The following MGAT4C variants were observed in gnomAD, a reference collection of about 807,000 sequenced individuals.
MGAT4C encodes MGAT4 family member C.
A neutral mutation model predicts 40.1 loss-of-function variants in MGAT4C; 19 were observed. That is an observed-to-expected ratio of 0.47 (90% CI 0.33 to 0.70). The LOEUF (loss-of-function observed/expected upper bound fraction) is 0.70, where lower values mean the gene tolerates loss of function less well. Ranked by LOEUF, MGAT4C falls within the 30% of genes least tolerant of loss-of-function variation. MGAT4C has a pLI of 0.02. For missense variants in MGAT4C, 491 were observed against 563.2 expected (o/e 0.87, Z 1.30); for synonymous variants, 181 against 187.1 (o/e 0.97, Z 0.27).
At chr12:86,317,507 T>A (rs1387434682) in intron 4 of MGAT4C, among the ~76,000 whole-genome samples, 2 of 152,004 alleles carry the variant, frequency 1.3e-5, no homozygotes, top group African/African-American at 2.4e-5. Flanking sequence ...CAGAAAAAAA[T>A]ATAAAAATAC....
At chr12:86,067,740 T>C (rs147321524) in intron 1 of MGAT4C, among the ~76,000 whole-genome samples, 234 of 152,188 alleles carry the variant, frequency 1.5e-3, no homozygotes, top group African/African-American at 5.1e-3. Flanking sequence ...AATTGCCAAA[T>C]GTTTCTTTAG....
At chr12:86,566,760 G>GTGTGTGTA (rs771093227) in intron 2 of MGAT4C, among the ~76,000 whole-genome samples, 1 of 146,922 alleles carries the variant, frequency 6.8e-6, no homozygotes, top group African/African-American at 2.5e-5. Context: ...GTGTGTGTGT[G>GTGTGTGTA]TATATATATA....
chr12:86,603,220 A>G (rs1961850601), intron 2 of MGAT4C, among the ~76,000 whole-genome samples: 1 of 143,902 alleles, frequency 6.9e-6, no homozygotes, highest in African/African-American at 2.5e-5. Flanking sequence ...TATATAGTAT[A>G]ATATAATATA....
chr12:86,490,656 A>G (rs1421911181), intron 2 of MGAT4C, among the ~76,000 whole-genome samples: 2 of 152,176 alleles, frequency 1.3e-5, no homozygotes, highest in Non-Finnish European at 2.9e-5. Flanking sequence ...AAAACCCATC[A>G]GTGTGCTGTA....
intron 1 of MGAT4C, among the ~76,000 whole-genome samples, chr12:86,764,179 G>A (rs1184119666): frequency 6.6e-6 from 1 of 152,186 alleles, no homozygotes; most frequent in Non-Finnish European, 1.5e-5. Flanking sequence ...GCTTTTCTGA[G>A]AGGCTTAAAA....
chr12:86,084,218 T>C (rs865869422), intron 1 of MGAT4C, among the ~76,000 whole-genome samples: 49 of 152,134 alleles, frequency 3.2e-4, no homozygotes, highest in African/African-American at 1.1e-3. Context: ...GAGCATTATA[T>C]AGAAAAATAA....
At chr12:86,459,720 G>T (rs562105095) in intron 2 of MGAT4C, among the ~76,000 whole-genome samples, 7 of 90,610 alleles carry the variant, frequency 7.7e-5, no homozygotes, top group Non-Finnish European at 1.5e-4. Flanking sequence ...ACCCACATGC[G>T]CATACATGAA....
chr12:86,074,375 T>TAGATAGAC (rs1565944522), intron 1 of MGAT4C, among the ~76,000 whole-genome samples: 1 of 151,982 alleles, frequency 6.6e-6, no homozygotes, highest in Non-Finnish European at 1.5e-5. Context: ...GATAGATAGA[T>TAGATAGAC]ATTCCATTAC....
At chr12:86,645,536 A>G (rs552658099) in intron 2 of MGAT4C, among the ~76,000 whole-genome samples, 1 of 151,882 alleles carries the variant, frequency 6.6e-6, no homozygotes, top group South Asian at 2.1e-4. Flanking sequence ...ATAAAGTACA[A>G]TCTTGGCAAT....
At chr12:86,127,500 T>C (rs1001670209) in intron 1 of MGAT4C, among the ~76,000 whole-genome samples, 6 of 152,158 alleles carry the variant, frequency 3.9e-5, no homozygotes, top group Non-Finnish European at 1.5e-5. Context: ...CTATGCTATA[T>C]TTATAAAAAA....
intron 2 of MGAT4C, among the ~76,000 whole-genome samples, chr12:86,710,447 G>C (rs968955925): frequency 1.3e-5 from 2 of 152,144 alleles, no homozygotes; most frequent in African/African-American, 4.8e-5. Context: ...TCAAGCCTGA[G>C]AAGAGATTTG....
intron 2 of MGAT4C, among the ~76,000 whole-genome samples, chr12:86,601,692 A>G (rs1334001007): frequency 6.6e-6 from 1 of 152,112 alleles, no homozygotes; most frequent in Non-Finnish European, 1.5e-5. Flanking sequence ...AAAGGCCTGT[A>G]CCACTATTAA....
rs148297054 is a variant in MGAT4C, at chr12:86,287,376, C to T, written c.-57+46689G>A. Among the ~76,000 whole-genome samples, 10 of 41,522 alleles carry T rather than the reference C, an allele frequency of 2.4e-4. No homozygotes were observed. The East Asian group carries it at 0.016, about 66-fold the overall frequency. The allele number at this position is 41,522 out of a possible 152,430, so 27.2% of individuals were successfully genotyped here. On this transcript the variant is annotated intron_variant, in intron 4 of 7. Coordinates refer to the MGAT4C transcript ENST00000548651. ...TACTTTTTTTTTCTTTTTAATTATA[C>T]TTTAAGTTCTGGGATTATGTGCAGA...
intron 1 of MGAT4C, among the ~76,000 whole-genome samples, chr12:86,074,337 TATAGATAGATAG>T (rs3991314): frequency 7.0e-4 from 104 of 149,138 alleles, no homozygotes; most frequent in African/African-American, 2.3e-3. Context: ...TTAATAAACA[TATAGATAGATAG>T]ATAGATAGAT....
At chr12:86,154,330 T>C (rs1884654273) in intron 1 of MGAT4C, among the ~76,000 whole-genome samples, 1 of 152,124 alleles carries the variant, frequency 6.6e-6, no homozygotes, top group Non-Finnish European at 1.5e-5. Flanking sequence ...GGAAATGAGA[T>C]GTTCGTTAAT....
intron 1 of MGAT4C, among the ~76,000 whole-genome samples, chr12:86,783,461 T>A (rs974303469): frequency 6.6e-6 from 1 of 151,824 alleles, no homozygotes; most frequent in African/African-American, 2.4e-5. Flanking sequence ...TTCTTATCCA[T>A]CTTCCCTTCA....
At chr12:86,385,092 T>A (rs1411300623) in intron 3 of MGAT4C, among the ~76,000 whole-genome samples, 1 of 152,218 alleles carries the variant, frequency 6.6e-6, no homozygotes, top group African/African-American at 2.4e-5. Flanking sequence ...GAACTCAGTG[T>A]AGTTTCCTAC....
intron 2 of MGAT4C, among the ~76,000 whole-genome samples, chr12:86,590,199 C>G (rs568440788): frequency 6.6e-6 from 1 of 152,076 alleles, no homozygotes; most frequent in South Asian, 2.1e-4. Context: ...CCGCGATTCT[C>G]TAATAAACCC....
At chr12:86,743,278 A>C (rs1242806743) in intron 1 of MGAT4C, among the ~76,000 whole-genome samples, 1 of 151,580 alleles carries the variant, frequency 6.6e-6, no homozygotes, top group East Asian at 1.9e-4. Flanking sequence ...TGTAACTTTA[A>C]AACTTTTTTA....
Sources: gnomAD v4.1 joint callset for allele counts (sites outside exome capture counted in the v4.1 genomes callset) on GRCh38, gnomAD v4.1.1 for gene constraint, MANE v1.5 for transcripts, NCBI Gene and HGNC (gene_info 2026-07-23, HGNC 2026-07-21) for gene names.